The following FRAS1 variants were observed in gnomAD, a reference collection of about 807,000 sequenced individuals.
FRAS1 encodes the protein Fraser extracellular matrix complex subunit 1.
Under a neutral mutation model 435.2 loss-of-function variants are expected in FRAS1, and 290 were observed. The observed-to-expected ratio is 0.67, with a 90% CI of 0.61 to 0.73. The LOEUF (loss-of-function observed/expected upper bound fraction) is 0.73, where lower values mean the gene tolerates loss of function less well. Ranked by LOEUF, FRAS1 falls within the 30% of genes least tolerant of loss-of-function variation. The pLI is 0.00. For missense variants in FRAS1, 4,860 were observed against 5,001.5 expected, an observed-to-expected ratio of 0.97 and a Z score of 0.85; for synonymous variants, 1,800 against 1,851.0, an observed-to-expected ratio of 0.97 and a Z score of 0.71.
chr4:78,277,833 A>G (rs1727130456), intron 9 of FRAS1, among the ~76,000 whole-genome samples: 1 of 150,300 alleles, frequency 6.7e-6, no homozygotes, highest in African/African-American at 2.4e-5. Context: ...TTTTTTTTTG[A>G]GACGGAGTCT....
intron 6 of FRAS1, among the ~76,000 whole-genome samples, chr4:78,260,434 G>A (rs1726029977): frequency 6.6e-6 from 1 of 152,078 alleles, no homozygotes; most frequent in Non-Finnish European, 1.5e-5. Flanking sequence ...TTGTAAGTTG[G>A]ATTCCTAGGT....
chr4:78,286,611 C>G lies in FRAS1; in HGVS notation c.1534+72C>G, dbSNP rs73827932. ...CCCAACCCTGACCCCACCAAGTGAT[C>G]TGGGGACACCAGGAGCTGGAAGCAC... is the stretch of plus-strand genomic sequence containing the variant. On this transcript the variant is annotated intron_variant, in intron 14 of 73. Transcript: ENST00000512123. 6.1e-3 allele frequency: 9,186 copies of G among 1,512,272 alleles called. 471 individuals carry two copies. In the African/African-American group the frequency reaches 0.11, roughly 18 times the overall value. The allele number at this position is 1,512,272 out of a possible 1,614,324, so 93.7% of individuals were successfully genotyped here.
At chr4:78,261,350 A>G (rs1726091864) in intron 6 of FRAS1, among the ~76,000 whole-genome samples, 1 of 152,008 alleles carries the variant, frequency 6.6e-6, no homozygotes, top group South Asian at 2.1e-4. Flanking sequence ...AATAGTTTTC[A>G]GAAGTCTGCT....
At chr4:78,401,389 C>G (rs565972952) in intron 30 of FRAS1, among the ~76,000 whole-genome samples, 1 of 152,218 alleles carries the variant, frequency 6.6e-6, no homozygotes, top group Admixed American at 6.5e-5. Context: ...CCCAGAAATG[C>G]TGGATAAAAT....
chr4:78,139,498 G>A (rs1720069902), intron 2 of FRAS1, among the ~76,000 whole-genome samples: 1 of 151,994 alleles, frequency 6.6e-6, no homozygotes, highest in Admixed American at 6.6e-5. Context: ...TCATCTTTGG[G>A]ACTCCTTTTT....
At position 78,369,825 on chromosome 4, in the gene FRAS1, C is replaced by G. The variant is rs1731425793; in HGVS notation, c.2723-13C>G. On this transcript the variant is annotated splice_polypyrimidine_tract_variant and intron_variant, in intron 22 of 73. Coordinates refer to ENST00000512123, the MANE Select transcript of FRAS1 (RefSeq NM_025074.7). ...TGTAATCATCTGGTCATTTTCTTTT[C>G]CTGTCTGCTCAGCATGCAACACACA... 6.2e-7 allele frequency: 1 copy of G among 1,602,814 alleles called. No individual in the cohort carries two copies. Among genetic ancestry groups the G allele is most frequent in the Non-Finnish European group, 8.5e-7 (1 of 1,173,722 alleles).
chr4:78,235,104 C>T (rs1212805102), intron 2 of FRAS1, among the ~76,000 whole-genome samples: 1 of 152,116 alleles, frequency 6.6e-6, no homozygotes, highest in Non-Finnish European at 1.5e-5. Context: ...TTCCAGGAAA[C>T]CTCAGTTTTT....
intron 59 of FRAS1, among the ~76,000 whole-genome samples, chr4:78,489,986 A>AAAAAAAAAAAAAAC (rs1190155807): frequency 2.6e-5 from 4 of 151,014 alleles, no homozygotes; most frequent in Admixed American, 6.6e-5. Flanking sequence ...AAAAAAAAAA[A>AAAAAAAAAAAAAAC]AGAAAAGCAG....
chr4:78,406,195 A>G (rs912471207), intron 30 of FRAS1, among the ~76,000 whole-genome samples: 2 of 152,260 alleles, frequency 1.3e-5, no homozygotes, highest in Non-Finnish European at 2.9e-5. Context: ...ATCCCAGCTC[A>G]TCAACTTAAC....
At chr4:78,395,498 C>T (rs1732621447) in intron 29 of FRAS1, among the ~76,000 whole-genome samples, 1 of 151,788 alleles carries the variant, frequency 6.6e-6, no homozygotes, top group South Asian at 2.1e-4. Flanking sequence ...TTTTATTTCT[C>T]CCTTCAGTTC....
chr4:78,131,378 C>A (rs1451464857), intron 2 of FRAS1, among the ~76,000 whole-genome samples: 1 of 152,194 alleles, frequency 6.6e-6, no homozygotes, highest in African/African-American at 2.4e-5. Context: ...TCCACCCCAT[C>A]TAAACTCTTT....
chr4:78,214,970 T>C (rs2110089019), intron 2 of FRAS1, among the ~76,000 whole-genome samples: 1 of 152,196 alleles, frequency 6.6e-6, no homozygotes, highest in African/African-American at 2.4e-5. Flanking sequence ...GTCAAAGGTG[T>C]CTTTCCCCCG....
At chr4:78,210,019 C>G (rs1053156203) in intron 2 of FRAS1, among the ~76,000 whole-genome samples, 1 of 152,148 alleles carries the variant, frequency 6.6e-6, no homozygotes, top group Admixed American at 6.5e-5. Flanking sequence ...TTGACCCAGC[C>G]TCTGCTGAGC....
intron 31 of FRAS1, 51 bp downstream of exon 31, chr4:78,407,892 A>G (rs1029238294): frequency 1.3e-5 from 19 of 1,432,084 alleles, no homozygotes; most frequent in African/African-American, 2.9e-5. Flanking sequence ...CAATAATCCA[A>G]TCGCTCTTAT....
intron 2 of FRAS1, among the ~76,000 whole-genome samples, chr4:78,128,624 G>T (rs1354483906): frequency 6.6e-6 from 1 of 152,012 alleles, no homozygotes; most frequent in Non-Finnish European, 1.5e-5. Flanking sequence ...TTGTAAATTT[G>T]TTTGAGTTCA....
intron 2 of FRAS1, among the ~76,000 whole-genome samples, chr4:78,193,823 G>A (rs1017371781): frequency 3.9e-5 from 6 of 152,150 alleles, no homozygotes; most frequent in Admixed American, 3.3e-4. Context: ...TATGATGTTA[G>A]CTGGTTATTT....
chr4:78,463,923 G>T (rs1314543348), intron 47 of FRAS1, 98 bp from the exon 48 acceptor site: 1 of 1,294,066 alleles, frequency 7.7e-7, no homozygotes, highest in Non-Finnish European at 1.1e-6. Flanking sequence ...AAATACAAAG[G>T]ACTCTCTATC....
chr4:78,114,803 A>G (rs553305005), intron 2 of FRAS1, among the ~76,000 whole-genome samples: 14 of 152,322 alleles, frequency 9.2e-5, no homozygotes, highest in Non-Finnish European at 1.9e-4. Context: ...CTCTTTTCCT[A>G]ATTGAAAAAT....
chr4:78,404,085 G>C (rs560209289), intron 30 of FRAS1, among the ~76,000 whole-genome samples: 1 of 152,202 alleles, frequency 6.6e-6, no homozygotes, highest in African/African-American at 2.4e-5. Flanking sequence ...ATGATGAGAT[G>C]GTTTTAATAA....
Sources: allele counts gnomAD v4.1 joint callset (sites outside exome capture counted in the v4.1 genomes callset), GRCh38; gene constraint gnomAD v4.1.1; transcripts MANE v1.5; gene names NCBI Gene and HGNC (gene_info 2026-07-23, HGNC 2026-07-21).